CAMK1D: variants seen among roughly 807,000 people sequenced by gnomAD.
CAMK1D encodes calcium/calmodulin dependent protein kinase ID.
Under a neutral mutation model 47.7 loss-of-function variants are expected in CAMK1D, and 9 were observed. The ratio of observed to expected loss-of-function variants is 0.19; its 90% CI spans 0.11 to 0.33. CAMK1D has a LOEUF of 0.33. Among genes scored for constraint, CAMK1D ranks in the 10% least tolerant of loss-of-function variants. The probability of loss-of-function intolerance (pLI) is 1.00; values close to 1 mark genes in which losing one functional copy is unlikely to be tolerated. For synonymous variants in CAMK1D, 184 were observed against 184.9 expected (o/e 0.99, Z 0.04); for missense variants, 291 against 488.7 (o/e 0.60, Z 3.81).
intron 4 of CAMK1D, among the ~76,000 whole-genome samples, chr10:12,769,261 A>G (rs1836923139): frequency 6.6e-6 from 1 of 152,200 alleles, no homozygotes; most frequent in Non-Finnish European, 1.5e-5. Flanking sequence ...GAGGGCAGAA[A>G]CAGAGACCCT....
intron 2 of CAMK1D, among the ~76,000 whole-genome samples, chr10:12,554,150 C>T (rs1241449363): frequency 6.6e-6 from 1 of 151,554 alleles, no homozygotes; most frequent in Non-Finnish European, 1.5e-5. Flanking sequence ...CCTTTGCTCC[C>T]CTCCCCTCTC....
At chr10:12,618,829 A>T (rs924356940) in intron 2 of CAMK1D, among the ~76,000 whole-genome samples, 7 of 152,246 alleles carry the variant, frequency 4.6e-5, no homozygotes, top group African/African-American at 9.6e-5. Flanking sequence ...GTCATATACC[A>T]ATCAGTGACA....
intron 6 of CAMK1D, among the ~76,000 whole-genome samples, chr10:12,793,597 G>C (rs1474219802): frequency 6.6e-6 from 1 of 152,240 alleles, no homozygotes; most frequent in African/African-American, 2.4e-5. Context: ...TCGTTTCCTG[G>C]TGAGGGCTCT....
chr10:12,693,966 AATAT>A (rs1474647628), intron 3 of CAMK1D, among the ~76,000 whole-genome samples: 1 of 26,748 alleles, frequency 3.7e-5, no homozygotes, highest in Non-Finnish European at 8.3e-5. Flanking sequence ...TTATATATAA[AATAT>A]ATAATATATA....
chr10:12,711,791 T>A (rs1484580717), intron 3 of CAMK1D, among the ~76,000 whole-genome samples: 2 of 152,190 alleles, frequency 1.3e-5, no homozygotes, highest in Non-Finnish European at 2.9e-5. Context: ...GAAACACCAG[T>A]GCTAGTCTAG....
chr10:12,686,505 G>T (rs1832671029), intron 3 of CAMK1D, among the ~76,000 whole-genome samples: 1 of 152,090 alleles, frequency 6.6e-6, no homozygotes, highest in East Asian at 1.9e-4. Flanking sequence ...GTTATTTTTA[G>T]TAGAGACAGG....
chr10:12,454,826 T>A (rs1054065302), intron 1 of CAMK1D, among the ~76,000 whole-genome samples: 1 of 152,256 alleles, frequency 6.6e-6, no homozygotes, highest in Non-Finnish European at 1.5e-5. Flanking sequence ...AGACTGGCTG[T>A]CCGCGCTCAG....
chr10:12,766,370 T>TTG (rs1341360552), intron 4 of CAMK1D, among the ~76,000 whole-genome samples: 1 of 146,098 alleles, frequency 6.8e-6, no homozygotes, highest in African/African-American at 2.5e-5. Context: ...TCTTTTTTTT[T>TTG]TTTTTTTTTT....
At chr10:12,795,925 G>A (rs768499573) in intron 6 of CAMK1D, among the ~76,000 whole-genome samples, 7 of 152,164 alleles carry the variant, frequency 4.6e-5, no homozygotes, top group East Asian at 1.9e-4. Context: ...CGTGGGTTGC[G>A]CTTTGTGATA....
intron 5 of CAMK1D, among the ~76,000 whole-genome samples, chr10:12,790,246 A>G (rs948762895): frequency 5.9e-5 from 9 of 152,404 alleles, no homozygotes; most frequent in East Asian, 1.9e-4. Context: ...GGAAAATGCA[A>G]TGAGCATGCT....
intron 1 of CAMK1D, among the ~76,000 whole-genome samples, chr10:12,357,065 C>T (rs758244115): frequency 6.6e-6 from 1 of 152,192 alleles, no homozygotes; most frequent in Non-Finnish European, 1.5e-5. Context: ...CCTCCTGCTT[C>T]TCCTCCTCTC....
intron 1 of CAMK1D, among the ~76,000 whole-genome samples, chr10:12,387,203 CA>C (rs1252530894): frequency 0.013 from 1,341 of 101,872 alleles, 13 homozygotes; most frequent in East Asian, 0.074. Context: ...GACTCCATCT[CA>C]AAAAAAAAAA....
intron 3 of CAMK1D, among the ~76,000 whole-genome samples, chr10:12,738,436 G>A (rs1210450241): frequency 6.6e-6 from 1 of 152,144 alleles, no homozygotes; most frequent in Non-Finnish European, 1.5e-5. Flanking sequence ...CTTTTTCTAG[G>A]AATGGCATCA....
chr10:12,703,942 A>T lies in CAMK1D; in HGVS notation c.299+37132A>T, dbSNP rs540949598. On this transcript the variant is annotated intron_variant, in intron 3 of 10. Coordinates refer to ENST00000619168, the MANE Select transcript of CAMK1D (RefSeq NM_153498.4). ...AAGCTGTCACAAAATAAGCTCTCAT[A>T]TTTATTCAAAGGTTTGCATTCCATA... Among the ~76,000 whole-genome samples the T allele has an allele frequency of 3.0e-4, 46 of 152,216 alleles. No individual in the cohort carries two copies. The South Asian group carries it at 9.3e-3, about 31-fold the overall frequency.
intron 5 of CAMK1D, among the ~76,000 whole-genome samples, chr10:12,771,898 G>C (rs1462839275): frequency 6.6e-6 from 1 of 152,164 alleles, no homozygotes; most frequent in African/African-American, 2.4e-5. Flanking sequence ...GCCAGGCATG[G>C]TGGCTCACAC....
chr10:12,757,207 T>C (rs1836271202), intron 3 of CAMK1D, among the ~76,000 whole-genome samples: 1 of 152,158 alleles, frequency 6.6e-6, no homozygotes, highest in African/African-American at 2.4e-5. Context: ...CATAGCTCAC[T>C]GCAGCCTCAG....
intron 5 of CAMK1D, among the ~76,000 whole-genome samples, chr10:12,786,290 A>G (rs951495745): frequency 6.6e-6 from 1 of 152,144 alleles, no homozygotes; most frequent in Non-Finnish European, 1.5e-5. Flanking sequence ...CACAGTTAAG[A>G]CGGTCACCAG....
chr10:12,498,544 G>C (rs1209993664), intron 1 of CAMK1D, among the ~76,000 whole-genome samples: 1 of 152,198 alleles, frequency 6.6e-6, no homozygotes, highest in African/African-American at 2.4e-5. Flanking sequence ...CTGGATAAAG[G>C]CTGGATTCTA....
intron 2 of CAMK1D, among the ~76,000 whole-genome samples, chr10:12,651,139 C>A (rs1839951131): frequency 6.6e-6 from 1 of 152,188 alleles, no homozygotes. Flanking sequence ...GCGTCCTCCC[C>A]CTGAGACAAA....
Sources: allele counts gnomAD v4.1 joint callset (sites outside exome capture counted in the v4.1 genomes callset), GRCh38; gene constraint gnomAD v4.1.1; transcripts MANE v1.5; gene names NCBI Gene and HGNC (gene_info 2026-07-23, HGNC 2026-07-21).